KCNH8: variants seen among roughly 807,000 people sequenced by gnomAD.
KCNH8 encodes the protein voltage-gated delayed rectifier potassium channel KCNH8.
Under a neutral mutation model 103.6 loss-of-function variants are expected in KCNH8, and 70 were observed. The observed-to-expected ratio is 0.68, with a 90% CI of 0.56 to 0.82. KCNH8 has a LOEUF of 0.82. Among genes scored for constraint, KCNH8 ranks in the 40% least tolerant of loss-of-function variants. The pLI is 0.00. For missense variants in KCNH8, 1,217 were observed against 1,329.9 expected (o/e 0.92, Z 1.32); for synonymous variants, 498 against 489.4 (o/e 1.02, Z -0.23).
rs1454445974 is a variant in KCNH8 at position 19,451,057 on chromosome 3, C to T, written c.1576-98C>T. 2.5e-5 allele frequency: 30 copies of T among 1,186,568 alleles called. No individual in the cohort carries two copies. The South Asian group carries it at 3.1e-4, about 12-fold the overall frequency. The allele number at this position is 1,186,568 out of a possible 1,614,324, so 73.5% of individuals were successfully genotyped here. On this transcript the variant is annotated intron_variant, in intron 9 of 15. Coordinates refer to ENST00000328405, the MANE Select transcript of KCNH8 (RefSeq NM_144633.3). ...TTCTGTATGCTGGATGGCCAAACAGCAGGAGACAGTAGGAAGAGCATCCCT... is the reference window on the plus strand; with the variant it reads ...TTCTGTATGCTGGATGGCCAAACAGTAGGAGACAGTAGGAAGAGCATCCCT...
At chr3:19,276,993 A>G (rs1286470420) in intron 2 of KCNH8, among the ~76,000 whole-genome samples, 4 of 152,184 alleles carry the variant, frequency 2.6e-5, no homozygotes, top group African/African-American at 7.2e-5. Flanking sequence ...TGTGATATAT[A>G]TACATAATGG....
chr3:19,497,611 G>T (rs1157679711), intron 11 of KCNH8, among the ~76,000 whole-genome samples: 1 of 152,106 alleles, frequency 6.6e-6, no homozygotes, highest in African/African-American at 2.4e-5. Context: ...AGTGTGGTTG[G>T]TATGATTTCA....
At chr3:19,335,686 A>G (rs1052086888) in intron 3 of KCNH8, among the ~76,000 whole-genome samples, 2 of 151,628 alleles carry the variant, frequency 1.3e-5, no homozygotes, top group African/African-American at 4.8e-5. Context: ...GGTAAGTGAC[A>G]TGAGATGGTC....
intron 11 of KCNH8, among the ~76,000 whole-genome samples, chr3:19,484,438 G>A (rs904699165): frequency 6.6e-6 from 1 of 152,158 alleles, no homozygotes; most frequent in Non-Finnish European, 1.5e-5. Flanking sequence ...AAATTATAAG[G>A]AAAATGAGTT....
intron 3 of KCNH8, among the ~76,000 whole-genome samples, chr3:19,341,574 G>T (rs2065660206): frequency 6.6e-6 from 1 of 152,042 alleles, no homozygotes; most frequent in African/African-American, 2.4e-5. Flanking sequence ...CATATGATGA[G>T]AAAATGGCCA....
chr3:19,170,092 A>G (rs910896314), intron 1 of KCNH8, among the ~76,000 whole-genome samples: 7 of 152,128 alleles, frequency 4.6e-5, no homozygotes, highest in Admixed American at 4.6e-4. Context: ...ATTTCACTTT[A>G]TGTTAATATT....
At chr3:19,495,245 G>GC (rs1285556801) in intron 11 of KCNH8, among the ~76,000 whole-genome samples, 1 of 151,902 alleles carries the variant, frequency 6.6e-6, no homozygotes, top group Non-Finnish European at 1.5e-5. Context: ...ATTGCTTTTG[G>GC]CATCTTTTTC....
At chr3:19,273,630 C>T (rs75096812) in intron 2 of KCNH8, among the ~76,000 whole-genome samples, 3,449 of 152,154 alleles carry the variant, frequency 0.023, 143 homozygotes, top group African/African-American at 0.077. Context: ...AAAAACATAC[C>T]GGGAGGCAGA....
intron 1 of KCNH8, among the ~76,000 whole-genome samples, chr3:19,201,747 C>T (rs1199578747): frequency 6.6e-6 from 1 of 152,090 alleles, no homozygotes; most frequent in East Asian, 1.9e-4. Flanking sequence ...CAGTCCAAGA[C>T]AGAATAAGTA....
At chr3:19,220,203 C>T (rs1012678854) in intron 1 of KCNH8, among the ~76,000 whole-genome samples, 9 of 152,134 alleles carry the variant, frequency 5.9e-5, no homozygotes, top group East Asian at 1.9e-4. Flanking sequence ...TTCATTCTGG[C>T]GCCCAGCATA....
At chr3:19,457,747 C>T (rs1001597505) in intron 11 of KCNH8, among the ~76,000 whole-genome samples, 8 of 151,882 alleles carry the variant, frequency 5.3e-5, no homozygotes, top group South Asian at 2.1e-4. Context: ...GATTTTTTTC[C>T]TATGTACTTA....
rs1373370705 is a variant in KCNH8 at position 19,533,444 on chromosome 3, A to G, written c.2669A>G (p.Asn890Ser). ...TCTCAGTTGGGTAAAGACATGAGAA[A>G]TGTGATCCAGCTTCTGGAAAACGTT... is the stretch of plus-strand genomic sequence containing the variant. Reference protein sequence around the residue: ...EVSQLGKDMRNVIQLLENVLS... With the variant: ...EVSQLGKDMRSVIQLLENVLS... The change falls in exon 16 of 16, where the codon AAT (asparagine) becomes AGT (serine). Residue 890 changes from asparagine (N) to serine (S), a missense_variant. Transcript: ENST00000328405. The G allele has an allele frequency of 3.7e-6, 6 of 1,614,158 alleles. No homozygotes were observed. Among genetic ancestry groups the G allele is most frequent in the East Asian group, 4.5e-5 (2 of 44,850 alleles).
In KCNH8 at chr3:19,419,198, T is replaced by TG. The variant is rs1278607021; in HGVS notation, c.1178-18966_1178-18965insG. Among the ~76,000 whole-genome samples the TG allele has an allele frequency of 6.0e-5, 8 of 133,102 alleles. No homozygotes were observed. In the East Asian group the frequency reaches 1.7e-3, roughly 28 times the overall value. 87.3% of individuals were successfully genotyped at this position (133,102 alleles called of 152,430 possible). On this transcript the variant is annotated intron_variant, in intron 7 of 15. Coordinates refer to ENST00000328405, the MANE Select transcript of KCNH8 (RefSeq NM_144633.3). ...AGAAGTAATTAAAATGGTTTTGGTT[T>TG]TTTTTTTTTTTTTTTTTTTGAGACG...
chr3:19,291,668 G>A (rs1357628159), intron 3 of KCNH8, among the ~76,000 whole-genome samples: 1 of 152,168 alleles, frequency 6.6e-6, no homozygotes, highest in East Asian at 1.9e-4. Flanking sequence ...TTCCAAGTAT[G>A]TGGTCAATTT....
chr3:19,477,196 G>A (rs1004425689), intron 11 of KCNH8, among the ~76,000 whole-genome samples: 7 of 152,088 alleles, frequency 4.6e-5, no homozygotes, highest in African/African-American at 1.7e-4. Flanking sequence ...TATTGAGCAA[G>A]TGGGACGGAC....
intron 3 of KCNH8, among the ~76,000 whole-genome samples, chr3:19,333,000 A>G (rs1327752604): frequency 6.6e-6 from 1 of 152,034 alleles, no homozygotes; most frequent in African/African-American, 2.4e-5. Context: ...GCACATCTTC[A>G]CCAGAATTTG....
intron 3 of KCNH8, among the ~76,000 whole-genome samples, chr3:19,317,977 G>A (rs1161350108): frequency 6.6e-6 from 1 of 151,920 alleles, no homozygotes; most frequent in African/African-American, 2.4e-5. Context: ...TCTGATGACG[G>A]CAATCAGGCA....
rs1193240337 is a variant in KCNH8 at position 19,342,725 on chromosome 3, T to A, written c.570+11T>A. ...TTGAAAATAAATAACGTAGGTGGTA[T>A]GTGTGTACAGGATGAATGCTAGTGT... On this transcript the variant is annotated intron_variant, in intron 4 of 15. Coordinates refer to ENST00000328405, the MANE Select transcript of KCNH8 (RefSeq NM_144633.3). 5 of 1,598,898 alleles carry A rather than the reference T, an allele frequency of 3.1e-6. No homozygotes were observed. The highest frequency in any genetic ancestry group is 4.3e-6 in the Non-Finnish European group (5 of 1,170,042).
intron 11 of KCNH8, among the ~76,000 whole-genome samples, chr3:19,492,576 C>T (rs1419313536): frequency 6.6e-6 from 1 of 152,068 alleles, no homozygotes; most frequent in East Asian, 1.9e-4. Context: ...TCATTATAGC[C>T]TTATGGTGTA....
Sources: gnomAD v4.1 joint callset for allele counts (sites outside exome capture counted in the v4.1 genomes callset) on GRCh38, gnomAD v4.1.1 for gene constraint, MANE v1.5 for transcripts, NCBI Gene and HGNC (gene_info 2026-07-23, HGNC 2026-07-21) for gene names.